Variants in KIF16B observed in about 807,000 individuals in gnomAD.
The protein encoded by KIF16B is kinesin family member 16B.
Under a neutral mutation model 156.3 loss-of-function variants are expected in KIF16B, and 98 were observed. The ratio of observed to expected loss-of-function variants is 0.63; its 90% confidence interval spans 0.53 to 0.74. The LOEUF (loss-of-function observed/expected upper bound fraction) is 0.74. Among genes scored for constraint, KIF16B ranks in the 30% least tolerant of loss-of-function variants. The pLI, the probability that KIF16B is intolerant of heterozygous loss-of-function variation, is 0.00. For missense variants in KIF16B, 1,421 were observed against 1,606.5 expected, an observed-to-expected ratio of 0.88 and a Z score of 1.97; for synonymous variants, 564 against 583.7, an observed-to-expected ratio of 0.97 and a Z score of 0.49.
At chr20:16,329,338 C>T (rs756721869) in intron 24 of KIF16B, among the ~76,000 whole-genome samples, 2 of 152,194 alleles carry the variant, frequency 1.3e-5, no homozygotes, top group Non-Finnish European at 2.9e-5. Context: ...GTAACTCTAT[C>T]TCCTTCTCAT....
At chr20:16,381,598 G>A in intron 18 of KIF16B, 96 bp downstream of exon 18, 2 of 824,988 alleles carry the variant, frequency 2.4e-6, no homozygotes, top group Non-Finnish European at 3.8e-6. Context: ...GAGCAAGGGG[G>A]AAGTATTGAA....
At chr20:16,356,501 T>C (rs753748644) in intron 22 of KIF16B, 49 bp from the exon 23 acceptor site, 2 of 1,608,428 alleles carry the variant, frequency 1.2e-6, no homozygotes, top group Non-Finnish European at 1.7e-6. Context: ...CCAGAATCAC[T>C]CCACTGCAAA....
chr20:16,491,346 C>T (rs924918927), intron 12 of KIF16B, among the ~76,000 whole-genome samples: 1 of 151,992 alleles, frequency 6.6e-6, no homozygotes, highest in African/African-American at 2.4e-5. Flanking sequence ...AGGGGCCAGG[C>T]AAAGAAGTCT....
chr20:16,350,239 T>C (rs371953105), intron 23 of KIF16B, among the ~76,000 whole-genome samples: 16 of 152,212 alleles, frequency 1.1e-4, no homozygotes, highest in African/African-American at 3.9e-4. Flanking sequence ...AAAGTGATAC[T>C]GGTCAATGGG....
chr20:16,437,730 C>A (rs1409365583), intron 12 of KIF16B, among the ~76,000 whole-genome samples: 2 of 152,074 alleles, frequency 1.3e-5, no homozygotes, highest in African/African-American at 4.8e-5. Context: ...GTAATACTTT[C>A]CAGGGAACTC....
At chr20:16,396,327 C>T (rs573824101) in intron 17 of KIF16B, among the ~76,000 whole-genome samples, 114 of 151,982 alleles carry the variant, frequency 7.5e-4, no homozygotes, top group Non-Finnish European at 1.1e-3. Flanking sequence ...CTGTCTTCCA[C>T]GAAACTTGGT....
chr20:16,332,911 T>C (rs1435949314), intron 24 of KIF16B, among the ~76,000 whole-genome samples: 1 of 152,194 alleles, frequency 6.6e-6, no homozygotes, highest in Non-Finnish European at 1.5e-5. Flanking sequence ...CTCAAATTAA[T>C]GTCTAAAAAG....
intron 22 of KIF16B, chr20:16,367,581 CA>C (rs761136237): frequency 6.2e-7 from 1 of 1,612,788 alleles, no homozygotes; most frequent in African/African-American, 1.3e-5. Context: ...TTGTGTAGAG[CA>C]GTAACTGAAC....
At chr20:16,485,794 G>C (rs1425285789) in intron 12 of KIF16B, among the ~76,000 whole-genome samples, 1 of 152,034 alleles carries the variant, frequency 6.6e-6, no homozygotes, top group Non-Finnish European at 1.5e-5. Context: ...TATTGCAAGG[G>C]CTTTTCAAAG....
At chr20:16,538,276 C>A (rs115172909) in intron 1 of KIF16B, among the ~76,000 whole-genome samples, 9 of 152,180 alleles carry the variant, frequency 5.9e-5, no homozygotes, top group African/African-American at 2.2e-4. Flanking sequence ...AAAACTACAA[C>A]GCCAGGCACT....
chr20:16,296,288 C>T (rs1051569969), intron 25 of KIF16B, among the ~76,000 whole-genome samples: 3 of 152,190 alleles, frequency 2.0e-5, no homozygotes, highest in African/African-American at 7.2e-5. Flanking sequence ...ATATCTACTT[C>T]TGCTTCAGAG....
At chr20:16,420,231 A>T (rs2066192095) in intron 15 of KIF16B, among the ~76,000 whole-genome samples, 1 of 152,184 alleles carries the variant, frequency 6.6e-6, no homozygotes, top group Non-Finnish European at 1.5e-5. Flanking sequence ...AACAGATGAA[A>T]ATATTTCCTA....
At chr20:16,367,620 C>A (rs923055980) in intron 22 of KIF16B, 1 of 1,612,740 alleles carries the variant, frequency 6.2e-7, no homozygotes, top group African/African-American at 1.3e-5. Flanking sequence ...CATTGACTTC[C>A]ATATTTCCAT....
intron 17 of KIF16B, among the ~76,000 whole-genome samples, chr20:16,394,332 C>T (rs1462495275): frequency 1.3e-5 from 2 of 152,182 alleles, no homozygotes; most frequent in Non-Finnish European, 2.9e-5. Flanking sequence ...AAGTGGCTCA[C>T]AGTGGAATAA....
chr20:16,422,001 A>T (rs1304339715), intron 15 of KIF16B, among the ~76,000 whole-genome samples: 2 of 152,182 alleles, frequency 1.3e-5, no homozygotes, highest in Non-Finnish European at 2.9e-5. Flanking sequence ...ATATGAAGAT[A>T]AAAAATTTGG....
At chr20:16,545,537 C>T (rs997125138) in intron 1 of KIF16B, among the ~76,000 whole-genome samples, 4 of 151,986 alleles carry the variant, frequency 2.6e-5, no homozygotes, top group Non-Finnish European at 4.4e-5. Context: ...TGGTGGCAAG[C>T]GCCTATAATC....
At chr20:16,417,455 G>A (rs2066118980) in intron 15 of KIF16B, among the ~76,000 whole-genome samples, 1 of 152,070 alleles carries the variant, frequency 6.6e-6, no homozygotes, top group African/African-American at 2.4e-5. Flanking sequence ...TGAAACAAAG[G>A]GTATAAACAT....
At position 16,429,023 on chromosome 20, in the gene KIF16B, C is replaced by T. The variant is rs2066430790; in HGVS notation, c.1423-19G>A. 1 of 1,602,290 alleles carries T rather than the reference C, an allele frequency of 6.2e-7. No homozygotes were observed. Among genetic ancestry groups the T allele is most frequent in the Admixed American group, 1.7e-5 (1 of 59,892 alleles). ...GACCTTCCTGGGAAGAAAACCCAAG[C>T]AAAATGTATTAGTAAGAAGAGAAGG... On this transcript the variant is annotated intron_variant, in intron 13 of 25. Coordinates refer to ENST00000354981, the MANE Select transcript of KIF16B (RefSeq NM_024704.5).
intron 15 of KIF16B, among the ~76,000 whole-genome samples, chr20:16,411,971 T>A (rs543687566): frequency 9.4e-5 from 14 of 149,702 alleles, no homozygotes; most frequent in Admixed American, 6.0e-4. Flanking sequence ...TGTGTGTGTG[T>A]GACTCATTGC....
Sources: allele counts gnomAD v4.1 joint callset (sites outside exome capture counted in the v4.1 genomes callset), GRCh38; gene constraint gnomAD v4.1.1; transcripts MANE v1.5; gene names NCBI Gene and HGNC (gene_info 2026-07-23, HGNC 2026-07-21).